SMARCC1: variants seen among roughly 807,000 people sequenced by gnomAD.
The protein encoded by SMARCC1 is SWI/SNF related BAF chromatin remodeling complex subunit C1, also known as SWI/SNF complex subunit SMARCC1.
Under a neutral mutation model 147.4 loss-of-function variants are expected in SMARCC1, and 43 were observed. That is an observed-to-expected ratio of 0.29 (90% CI 0.23 to 0.38). The LOEUF is 0.38. SMARCC1 is among the 10% of genes least tolerant of loss of function. The pLI is 1.00. For missense variants in SMARCC1, 1,119 were observed against 1,381.1 expected, an observed-to-expected ratio of 0.81 and a Z score of 3.01; for synonymous variants, 495 against 484.4, an observed-to-expected ratio of 1.02 and a Z score of -0.29.
At chr3:47,730,210 A>G (rs2034353616) in intron 5 of SMARCC1, among the ~76,000 whole-genome samples, 1 of 152,188 alleles carries the variant, frequency 6.6e-6, no homozygotes, top group African/African-American at 2.4e-5. Flanking sequence ...CATTTAGGCC[A>G]GGTGCAGCTG....
intron 19 of SMARCC1, among the ~76,000 whole-genome samples, chr3:47,666,021 A>G (rs1275869636): frequency 6.6e-6 from 1 of 152,162 alleles, no homozygotes; most frequent in Non-Finnish European, 1.5e-5. Flanking sequence ...TGTTTTACAT[A>G]AAACACTCTT....
chr3:47,706,270 C>T (rs1224389646), intron 10 of SMARCC1, 139 bp downstream of exon 10: 37 of 691,258 alleles, frequency 5.4e-5, no homozygotes, highest in Non-Finnish European at 7.7e-5. Context: ...CGAGGTTTCA[C>T]CATGTTGGCC....
intron 19 of SMARCC1, among the ~76,000 whole-genome samples, chr3:47,664,178 TAAA>T (rs869131579): frequency 1.0e-5 from 1 of 98,962 alleles, no homozygotes; most frequent in Non-Finnish European, 2.1e-5. Flanking sequence ...TAATAAACTC[TAAA>T]AAAAAAAAAA....
At chr3:47,682,717 A>T (rs540962824) in intron 14 of SMARCC1, among the ~76,000 whole-genome samples, 2 of 152,366 alleles carry the variant, frequency 1.3e-5, no homozygotes, top group South Asian at 4.1e-4. Context: ...TATGTTTTTT[A>T]AAAGTAATTT....
At chr3:47,759,114 C>A (rs1236299913) in intron 2 of SMARCC1, among the ~76,000 whole-genome samples, 2 of 151,994 alleles carry the variant, frequency 1.3e-5, no homozygotes, top group Non-Finnish European at 2.9e-5. Flanking sequence ...CTGGCTCAAG[C>A]AATCCTCCCA....
At chr3:47,747,411 T>C (rs2034576202) in intron 2 of SMARCC1, among the ~76,000 whole-genome samples, 1 of 106,932 alleles carries the variant, frequency 9.4e-6, no homozygotes, top group Non-Finnish European at 2.2e-5. Flanking sequence ...TACTCTAGCC[T>C]GGGCAATAAA....
At chr3:47,695,404 T>C (rs1178683794) in intron 11 of SMARCC1, among the ~76,000 whole-genome samples, 2 of 152,206 alleles carry the variant, frequency 1.3e-5, no homozygotes, top group Non-Finnish European at 2.9e-5. Flanking sequence ...CATAAAATCA[T>C]ACACTGGAAA....
In SMARCC1 at chr3:47,702,279, C is replaced by T. The variant is rs535598654; in HGVS notation, c.1041-877G>A. Among the ~76,000 whole-genome samples the T allele has an allele frequency of 3.6e-5, 5 of 140,748 alleles. No individual in the cohort carries two copies. In the East Asian group the frequency reaches 1.0e-3, roughly 29 times the overall value. 92.3% of individuals were successfully genotyped at this position (140,748 alleles called of 152,430 possible). A position where few individuals can be genotyped will look rare whatever the true frequency, so the allele number is the denominator to read the frequency against. On this transcript the variant is annotated intron_variant, in intron 10 of 27. Coordinates refer to ENST00000254480, the MANE Select transcript of SMARCC1 (RefSeq NM_003074.4). The stretch of plus-strand genomic sequence containing the variant: ...GATGATTCTTTACCTTTAGGGATTA[C>T]AAGGGATATAGGACAGAAATCTTTA...
chr3:47,668,727 A>G (rs1212737352), intron 19 of SMARCC1, among the ~76,000 whole-genome samples: 2 of 152,164 alleles, frequency 1.3e-5, no homozygotes, highest in Non-Finnish European at 2.9e-5. Flanking sequence ...TATTAAAAAT[A>G]CAAAAAAACT....
chr3:47,730,179 T>TA (rs908258320), intron 5 of SMARCC1, among the ~76,000 whole-genome samples: 4 of 151,412 alleles, frequency 2.6e-5, no homozygotes, highest in African/African-American at 9.7e-5. Context: ...CTCAAAAAAA[T>TA]AAAAAATAAA....
chr3:47,616,444 A>C (rs1213588905), intron 25 of SMARCC1, among the ~76,000 whole-genome samples: 2 of 152,058 alleles, frequency 1.3e-5, no homozygotes, highest in African/African-American at 4.8e-5. Flanking sequence ...ACCCATAACA[A>C]ATTCGATTTT....
intron 25 of SMARCC1, chr3:47,610,660 A>T (rs1576386805): frequency 3.2e-6 from 1 of 309,344 alleles, no homozygotes; most frequent in African/African-American, 2.1e-5. Flanking sequence ...ATCTAAAAAT[A>T]CTTTCTATGG....
intron 19 of SMARCC1, among the ~76,000 whole-genome samples, chr3:47,664,359 G>A (rs909227185): frequency 6.6e-6 from 1 of 152,148 alleles, no homozygotes; most frequent in African/African-American, 2.4e-5. Context: ...GTATTAAGAT[G>A]TCAGTTCTTT....
At chr3:47,780,665 C>A (rs1382502947) in intron 1 of SMARCC1, among the ~76,000 whole-genome samples, 1 of 152,162 alleles carries the variant, frequency 6.6e-6, no homozygotes, top group Non-Finnish European at 1.5e-5. Flanking sequence ...GGATACACTG[C>A]AGTGAACAAA....
intron 25 of SMARCC1, among the ~76,000 whole-genome samples, chr3:47,617,643 C>A (rs2032665142): frequency 6.6e-6 from 1 of 152,138 alleles, no homozygotes; most frequent in Non-Finnish European, 1.5e-5. Flanking sequence ...GCTTTGCTTC[C>A]CACAGGGAAG....
chr3:47,755,878 T>G (rs1321475794), intron 2 of SMARCC1, among the ~76,000 whole-genome samples: 2 of 148,434 alleles, frequency 1.3e-5, no homozygotes, highest in East Asian at 4.1e-4. Context: ...TAATCCCAGC[T>G]ACTCTGAAGG....
intron 8 of SMARCC1, among the ~76,000 whole-genome samples, chr3:47,711,847 A>G (rs1376028965): frequency 2.0e-5 from 3 of 152,238 alleles, no homozygotes; most frequent in African/African-American, 7.2e-5. Flanking sequence ...CAAGACAAAT[A>G]AAGCCTCCAA....
intron 21 of SMARCC1, among the ~76,000 whole-genome samples, chr3:47,656,174 G>A (rs12498027): frequency 0.59 from 90,261 of 151,730 alleles, 28,102 homozygotes; most frequent in East Asian, 0.72. Flanking sequence ...TCACGCCACT[G>A]CACTCCAGCC....
intron 21 of SMARCC1, 74 bp from the exon 22 acceptor site, chr3:47,638,854 G>T: frequency 9.8e-7 from 1 of 1,019,570 alleles, no homozygotes; most frequent in Non-Finnish European, 1.6e-6. Flanking sequence ...AGCTGTGAGA[G>T]TGTCTGAAAT....
Sources: allele counts gnomAD v4.1 joint callset (sites outside exome capture counted in the v4.1 genomes callset), GRCh38; gene constraint gnomAD v4.1.1; transcripts MANE v1.5; gene names NCBI Gene and HGNC (gene_info 2026-07-23, HGNC 2026-07-21).